Variants in TBC1D2B observed in about 807,000 individuals in gnomAD.
The protein encoded by TBC1D2B is TBC1 domain family member 2B.
Under a neutral mutation model 100.8 loss-of-function variants are expected in TBC1D2B, and 64 were observed. The ratio of observed to expected loss-of-function variants is 0.64; its 90% confidence interval spans 0.52 to 0.78. The LOEUF (loss-of-function observed/expected upper bound fraction) is 0.78, where lower values mean the gene tolerates loss of function less well. Ranked by LOEUF, TBC1D2B falls within the 30% of genes least tolerant of loss-of-function variation. The pLI is 0.00. For synonymous variants in TBC1D2B, 480 were observed against 479.7 expected (o/e 1.00, Z -0.01); for missense variants, 1,052 against 1,218.4 (o/e 0.86, Z 2.03).
Position 78,003,358 on chromosome 15 carries a change from C to T in TBC1D2B, c.2521G>A (p.Val841Ile), listed in dbSNP as rs750959599. The T allele has an allele frequency of 4.2e-5, 67 of 1,613,782 alleles. No homozygotes were observed. Among genetic ancestry groups the T allele is most frequent in the East Asian group, 1.6e-4 (7 of 44,900 alleles). Residue 841 changes from valine (V) to isoleucine (I), a missense_variant, in exon 11 of 13, where the codon GTT becomes ATT. Physicochemically the swap from Val to Ile is conservative, Grantham distance 29. Transcript: ENST00000300584. ...WFLVVFVDSV[V>I]SDILFKIWDS... ...CATATTTTAAAGAGGATGTCACTAA[C>T]GACACTATCCACAAATACCACCAGA...
At chr15:78,000,952 C>T (rs1481402135) in intron 12 of TBC1D2B, among the ~76,000 whole-genome samples, 2 of 152,230 alleles carry the variant, frequency 1.3e-5, no homozygotes, top group Non-Finnish European at 2.9e-5. Flanking sequence ...CCCAATCTGA[C>T]CTGTCTGTCT....
chr15:77,997,157 G>A lies in TBC1D2B; in HGVS notation c.*1003C>T, dbSNP rs1192343355. On this transcript the variant is annotated 3_prime_UTR_variant, in exon 13 of 13. Coordinates refer to ENST00000300584, the MANE Select transcript of TBC1D2B (RefSeq NM_144572.2). ...CAACCCAGGCAGGTGGAGACACCAG[G>A]AGCACTGGCCATCCCCAAGGAGGCC... The A allele has an allele frequency of 1.3e-5, 2 of 152,358 alleles. No individual in the cohort carries two copies. The highest frequency in any genetic ancestry group is 1.3e-4 in the Admixed American group (2 of 15,288). 9.4% of individuals were successfully genotyped at this position (152,358 alleles called of 1,614,324 possible). A position where few individuals can be genotyped will look rare whatever the true frequency, so the allele number is the denominator to read the frequency against.
At chr15:78,052,680 C>T (rs1292239720) in intron 2 of TBC1D2B, among the ~76,000 whole-genome samples, 1 of 152,172 alleles carries the variant, frequency 6.6e-6, no homozygotes, top group Non-Finnish European at 1.5e-5. Flanking sequence ...ACTTGGTGCC[C>T]TCAGAACAAA....
chr15:78,048,577 C>T (rs1007316269), intron 2 of TBC1D2B, among the ~76,000 whole-genome samples: 3 of 152,216 alleles, frequency 2.0e-5, no homozygotes, highest in African/African-American at 7.2e-5. Context: ...TTTTCAAATG[C>T]CTAAATGAAA....
chr15:78,005,153 C>T (rs2072033201), intron 10 of TBC1D2B, among the ~76,000 whole-genome samples: 1 of 152,216 alleles, frequency 6.6e-6, no homozygotes, highest in Non-Finnish European at 1.5e-5. Context: ...CTGTGCCTCA[C>T]TCTTAAGGCT....
At chr15:78,006,258 T>C (rs2072064594) in intron 10 of TBC1D2B, among the ~76,000 whole-genome samples, 1 of 152,262 alleles carries the variant, frequency 6.6e-6, no homozygotes, top group Non-Finnish European at 1.5e-5. Flanking sequence ...ATTTTAAATT[T>C]GAGTCTTTGA....
At position 78,003,449 on chromosome 15, in the gene TBC1D2B, C is replaced by A. The variant is rs2071971961; in HGVS notation, c.2430G>T (p.Leu810=). Residue 810 remains leucine (L), a synonymous_variant, in exon 11 of 13, where the codon CTG becomes CTT. Transcript: ENST00000300584. ...RVFRDLMSEK[L]PRLHGHFEQY... ...GTTCAAAGTGGCCATGCAACCGAGG[C>A]AGCTTCTCACTCATAAGGTCTCTGA... 6.2e-7 allele frequency: 1 copy of A among 1,613,468 alleles called. No homozygotes were observed. Among genetic ancestry groups the A allele is most frequent in the African/African-American group, 1.3e-5 (1 of 74,924 alleles).
At chr15:78,057,434 G>C (rs926641791) in intron 1 of TBC1D2B, among the ~76,000 whole-genome samples, 18 of 152,134 alleles carry the variant, frequency 1.2e-4, no homozygotes, top group African/African-American at 4.3e-4. Flanking sequence ...CTGAGGTCAG[G>C]AGTTCGAGAC....
At position 78,030,119 on chromosome 15, in the gene TBC1D2B, C is replaced by A; in HGVS notation, c.735G>T (p.Arg245Ser). Reference sequence around the variant, plus strand: ...ACTCTTCATTGGTATAAAACACAGTCCTCCGACTATCATTATGTCCTCTCC... The same window carrying A: ...ACTCTTCATTGGTATAAAACACAGTACTCCGACTATCATTATGTCCTCTCC... ...RPGRGHNDSR[R>S]TVFYTNEEWE... Residue 245 changes from arginine to serine, a missense_variant, in exon 4 of 13, where the codon AGG becomes AGT. Physicochemically the swap from Arg to Ser is moderately radical, Grantham distance 110. This residue lies in a region of TBC1D2B where 627 missense variants were observed against 646.1 expected (regional missense o/e 0.97). Coordinates refer to ENST00000300584, the MANE Select transcript of TBC1D2B (RefSeq NM_144572.2). 1 of 1,613,816 alleles carries A rather than the reference C, an allele frequency of 6.2e-7. No homozygotes were observed. The highest frequency in any genetic ancestry group is 8.5e-7 in the Non-Finnish European group (1 of 1,179,766).
chr15:78,030,332 C>T (rs2072777798), intron 3 of TBC1D2B, among the ~76,000 whole-genome samples, 162 bp from the exon 4 acceptor site: 1 of 151,442 alleles, frequency 6.6e-6, no homozygotes, highest in Non-Finnish European at 1.5e-5. Context: ...AATGGAGTCC[C>T]CCTCTGTCAC....
At chr15:78,000,097 C>T (rs1377109006) in intron 12 of TBC1D2B, among the ~76,000 whole-genome samples, 1 of 152,234 alleles carries the variant, frequency 6.6e-6, no homozygotes, top group Non-Finnish European at 1.5e-5. Flanking sequence ...ATTATGGGCC[C>T]TTGCAGTCTT....
intron 1 of TBC1D2B, among the ~76,000 whole-genome samples, chr15:78,075,795 A>C (rs1293333743): frequency 6.6e-6 from 1 of 152,078 alleles, no homozygotes. Context: ...TGGGAATCAG[A>C]TCCTGCTTGA....
At chr15:78,000,211 G>A (rs532868764) in intron 12 of TBC1D2B, among the ~76,000 whole-genome samples, 1 of 152,334 alleles carries the variant, frequency 6.6e-6, no homozygotes, top group Non-Finnish European at 1.5e-5. Flanking sequence ...CGTACCGCGA[G>A]CCACTCAGAA....
At chr15:78,010,082 G>A (rs1342348474) in intron 9 of TBC1D2B, among the ~76,000 whole-genome samples, 5 of 151,938 alleles carry the variant, frequency 3.3e-5, no homozygotes, top group African/African-American at 4.8e-5. Context: ...GTGAATGTAA[G>A]TAACAAAGAA....
intron 2 of TBC1D2B, among the ~76,000 whole-genome samples, chr15:78,049,300 C>T (rs1222852526): frequency 6.6e-6 from 1 of 152,206 alleles, no homozygotes; most frequent in Non-Finnish European, 1.5e-5. Context: ...ATCTGATTTG[C>T]TAACAGCTGC....
chr15:78,030,390 C>T (rs1378290206), intron 3 of TBC1D2B, among the ~76,000 whole-genome samples: 2 of 151,936 alleles, frequency 1.3e-5, no homozygotes, highest in African/African-American at 2.4e-5. Context: ...CAACCTCTGC[C>T]TCCTGGGTTC....
intron 2 of TBC1D2B, 179 bp downstream of exon 2, chr15:78,053,855 T>C (rs1596326053): frequency 1.5e-6 from 1 of 669,344 alleles, no homozygotes; most frequent in East Asian, 2.9e-5. Flanking sequence ...AGGCTGTCAC[T>C]GGGCTTGCAT....
chr15:78,065,052 G>C (rs1037110995), intron 1 of TBC1D2B, among the ~76,000 whole-genome samples: 1 of 152,104 alleles, frequency 6.6e-6, no homozygotes. Flanking sequence ...TCAATTTCCC[G>C]GAAGAGTCTG....
chr15:78,017,149 C>T, intron 7 of TBC1D2B: 1 of 163,192 alleles, frequency 6.1e-6, no homozygotes, highest in South Asian at 1.9e-4. Flanking sequence ...TCCCATCTGC[C>T]ACCTTATCAG....
Sources: allele counts gnomAD v4.1 joint callset (sites outside exome capture counted in the v4.1 genomes callset), GRCh38; gene constraint gnomAD v4.1.1; regional missense constraint gnomAD v4.1.1; transcripts MANE v1.5; gene names NCBI Gene and HGNC (gene_info 2026-07-23, HGNC 2026-07-21).